Variants in GSE1 observed in about 807,000 individuals in gnomAD.
The protein encoded by GSE1 is Gse1 coiled-coil protein, also known as genetic suppressor element 1.
GSE1 carries 32 observed loss-of-function variants against 112.6 expected under a neutral mutation model. That is an observed-to-expected ratio of 0.28 (90% CI 0.21 to 0.38). The LOEUF (loss-of-function observed/expected upper bound fraction) is 0.38. Among genes scored for constraint, GSE1 ranks in the 10% least tolerant of loss-of-function variants. GSE1 has a pLI of 1.00. For synonymous variants in GSE1, 1,115 were observed against 735.6 expected (o/e 1.52, Z -8.35); for missense variants, 2,348 against 1,699.2 (o/e 1.38, Z -6.71).
At chr16:85,446,991 G>A (rs1043760390) in intron 2 of GSE1, among the ~76,000 whole-genome samples, 6 of 152,104 alleles carry the variant, frequency 3.9e-5, no homozygotes, top group African/African-American at 1.4e-4. Context: ...CCAGCACAAT[G>A]TCGGGTGCTC....
At chr16:85,173,173 C>T (rs1185326462) in intron 1 of GSE1, among the ~76,000 whole-genome samples, 1 of 152,240 alleles carries the variant, frequency 6.6e-6, no homozygotes, top group Non-Finnish European at 1.5e-5. Flanking sequence ...TGGAGCAAGA[C>T]TGACCCCAGT....
chr16:85,238,478 G>A (rs1032522880), intron 1 of GSE1, among the ~76,000 whole-genome samples: 1 of 152,172 alleles, frequency 6.6e-6, no homozygotes, highest in Non-Finnish European at 1.5e-5. Flanking sequence ...GCGGAATCCC[G>A]AGCCTGCGTG....
intron 3 of GSE1, among the ~76,000 whole-genome samples, chr16:85,653,414 T>TCTG (rs1195035768): frequency 6.8e-6 from 1 of 147,862 alleles, no homozygotes; most frequent in Non-Finnish European, 1.5e-5. Flanking sequence ...CGGGGCAGCC[T>TCTG]CTGCGTGGCT....
At chr16:85,351,643 T>G (rs1030265533) in intron 1 of GSE1, among the ~76,000 whole-genome samples, 1 of 152,328 alleles carries the variant, frequency 6.6e-6, no homozygotes, top group African/African-American at 2.4e-5. Context: ...ACGATACACT[T>G]TTAATGGGCG....
intron 1 of GSE1, among the ~76,000 whole-genome samples, chr16:85,242,754 G>A (rs568168863): frequency 2.4e-4 from 36 of 152,252 alleles, no homozygotes; most frequent in African/African-American, 6.0e-4. Flanking sequence ...TGGAGCCTGG[G>A]CTTGGACATC....
At chr16:85,407,301 C>A (rs1445417374) in intron 2 of GSE1, among the ~76,000 whole-genome samples, 1 of 10,910 alleles carries the variant, frequency 9.2e-5, no homozygotes, top group Admixed American at 1.0e-3. Context: ...TACACTCAGG[C>A]CCCCCGGATA....
At chr16:85,234,577 G>T (rs956942121) in intron 1 of GSE1, among the ~76,000 whole-genome samples, 8 of 152,176 alleles carry the variant, frequency 5.3e-5, no homozygotes, top group African/African-American at 1.9e-4. Context: ...ATCCCTGTGG[G>T]CTGTGTCCTC....
chr16:85,649,200 C>A (rs2051129517), intron 3 of GSE1, among the ~76,000 whole-genome samples: 1 of 152,132 alleles, frequency 6.6e-6, no homozygotes, highest in Admixed American at 6.5e-5. Context: ...TCCTTATTCT[C>A]ATTCGGTCAC....
At position 85,216,283 on chromosome 16, in the gene GSE1, A is replaced by C. The variant is rs946499557; in HGVS notation, c.2283+44476A>C. 4.6e-5 allele frequency among the ~76,000 whole-genome samples: 7 copies of C among 152,312 alleles called. No homozygotes were observed. In the South Asian group the frequency reaches 1.0e-3, roughly 23 times the overall value. On this transcript the variant is annotated intron_variant, in intron 1 of 2. Transcript: ENST00000637419. ...GCCAGGCATGGTGGTGTGCACCTGT[A>C]GTCCCAGCTACTCAGGAGGCTGACT... is the stretch of plus-strand genomic sequence containing the variant.
intron 2 of GSE1, among the ~76,000 whole-genome samples, chr16:85,392,473 A>T (rs2047863326): frequency 6.6e-6 from 1 of 152,194 alleles, no homozygotes; most frequent in Admixed American, 6.5e-5. Flanking sequence ...GGAGTGGTGA[A>T]CATATTCTGA....
chr16:85,459,086 C>G (rs904135298), intron 2 of GSE1, among the ~76,000 whole-genome samples: 4 of 152,218 alleles, frequency 2.6e-5, no homozygotes, highest in African/African-American at 9.6e-5. Flanking sequence ...TGTGGTGCCT[C>G]GGCTCATCAT....
At chr16:85,420,709 T>C (rs929630506) in intron 2 of GSE1, among the ~76,000 whole-genome samples, 1 of 152,182 alleles carries the variant, frequency 6.6e-6, no homozygotes, top group Admixed American at 6.5e-5. Flanking sequence ...GTCAGCACTC[T>C]CAGGGGTGGC....
chr16:85,533,903 G>A (rs1329993648), intron 2 of GSE1, among the ~76,000 whole-genome samples: 2 of 152,004 alleles, frequency 1.3e-5, no homozygotes, highest in Admixed American at 1.3e-4. Flanking sequence ...TTGAGGGGTG[G>A]TTTGCATTCA....
intron 2 of GSE1, among the ~76,000 whole-genome samples, chr16:85,364,125 G>C (rs2047137823): frequency 6.6e-6 from 1 of 152,212 alleles, no homozygotes; most frequent in South Asian, 2.1e-4. Flanking sequence ...TTCCTTCTGG[G>C]GGCTCCAGGG....
At chr16:85,646,157 C>T (rs1043769099) in intron 2 of GSE1, among the ~76,000 whole-genome samples, 2 of 137,228 alleles carry the variant, frequency 1.5e-5, no homozygotes, top group African/African-American at 5.6e-5. Flanking sequence ...CCTGCTTCTA[C>T]CACGCTTCCT....
intron 2 of GSE1, among the ~76,000 whole-genome samples, chr16:85,467,866 C>A (rs2050169206): frequency 6.6e-6 from 1 of 152,206 alleles, no homozygotes; most frequent in African/African-American, 2.4e-5. Context: ...GTGAAGTGTG[C>A]TTACAGCATA....
chr16:85,673,767 A>ATGTGTGACAGTCATG lies in GSE1; in HGVS notation c.*1231_*1245dup, dbSNP rs1555575496. 2.0e-5 allele frequency: 3 copies of ATGTGTGACAGTCATG among 152,332 alleles called. No homozygotes were observed. The East Asian group carries it at 5.8e-4, about 29-fold the overall frequency. 9.4% of individuals were successfully genotyped at this position (152,332 alleles called of 1,614,324 possible). A position where few individuals can be genotyped will look rare whatever the true frequency, so the allele number is the denominator to read the frequency against. On this transcript the variant is annotated 3_prime_UTR_variant, in exon 16 of 16. Coordinates refer to ENST00000253458, the MANE Select transcript of GSE1 (RefSeq NM_014615.5). ...GAGGAGGGGGTAGTCTGTAGAACCCATGTGTGACAGTCATGTGCACACATG... is the reference window on the plus strand; with the variant it reads ...GAGGAGGGGGTAGTCTGTAGAACCCATGTGTGACAGTCATGTGTGTGACAGTCATGTGCACACATG...
At chr16:85,317,289 T>G (rs11861661) in intron 1 of GSE1, among the ~76,000 whole-genome samples, 4,631 of 152,232 alleles carry the variant, frequency 0.03, 236 homozygotes, top group African/African-American at 0.11. Flanking sequence ...ACAGCAGGCA[T>G]GCATCCCTCT....
intron 8 of GSE1, 32 bp downstream of exon 8, chr16:85,657,636 A>G (rs1231777403): frequency 1.4e-6 from 2 of 1,419,822 alleles, no homozygotes; most frequent in African/African-American, 1.4e-5. Flanking sequence ...AGGAGGGATG[A>G]GCCTTCACGT....
Sources: allele counts gnomAD v4.1 joint callset (sites outside exome capture counted in the v4.1 genomes callset), GRCh38; gene constraint gnomAD v4.1.1; transcripts MANE v1.5; gene names NCBI Gene and HGNC (gene_info 2026-07-23, HGNC 2026-07-21).